MCTP2: variants seen among roughly 807,000 people sequenced by gnomAD.
MCTP2 encodes the protein multiple C2 and transmembrane domain containing 2.
Under a neutral mutation model 111.6 loss-of-function variants are expected in MCTP2, and 132 were observed. That is an observed-to-expected ratio of 1.18 (90% CI 1.03 to 1.37). The LOEUF (loss-of-function observed/expected upper bound fraction) is 1.37. Ranked by LOEUF, MCTP2 falls within the 40% of genes most tolerant of loss-of-function variation. The pLI, the probability that MCTP2 is intolerant of heterozygous loss-of-function variation, is 0.00. For synonymous variants in MCTP2, 395 were observed against 387.7 expected, an observed-to-expected ratio of 1.02 and a Z score of -0.22; for missense variants, 1,183 against 1,067.9, an observed-to-expected ratio of 1.11 and a Z score of -1.50.
chr15:94,298,182 G>GT lies in MCTP2; in HGVS notation c.-65-12dup, dbSNP rs1192859361. 28 of 919,816 alleles carry GT rather than the reference G, an allele frequency of 3.0e-5. No individual in the cohort carries two copies. Among genetic ancestry groups the GT allele is most frequent in the Middle Eastern group, 3.1e-4 (1 of 3,214 alleles). The allele number at this position is 919,816 out of a possible 1,614,324, so 57.0% of individuals were successfully genotyped here. A position where few individuals can be genotyped will look rare whatever the true frequency, so the allele number is the denominator to read the frequency against. ...TTTTTTTGTTTGTTTGTTTTTTGTT[G>GT]TTTTTTTCTGTTTTATAGGAGTCAT... On this transcript the variant is annotated intron_variant, in intron 1 of 22. Transcript: ENST00000357742.
At chr15:94,260,145 C>A (rs1267635707) in intron 1 of MCTP2, among the ~76,000 whole-genome samples, 2 of 152,200 alleles carry the variant, frequency 1.3e-5, no homozygotes, top group South Asian at 2.1e-4. Flanking sequence ...ACCCAAGGAA[C>A]CTTGAGTGCC....
At chr15:94,297,974 A>G in intron 1 of MCTP2, among the ~76,000 whole-genome samples, 1 of 151,596 alleles carries the variant, frequency 6.6e-6, no homozygotes, top group East Asian at 1.9e-4. Flanking sequence ...CTTCGTTTTA[A>G]TGTTTCTACA....
chr15:94,412,003 T>C (rs373958919), intron 17 of MCTP2, among the ~76,000 whole-genome samples: 2 of 152,186 alleles, frequency 1.3e-5, no homozygotes, highest in African/African-American at 2.4e-5. Flanking sequence ...AGAAATATAC[T>C]TGTGGGCCCC....
chr15:94,472,474 A>T (rs1323066470), intron 21 of MCTP2, among the ~76,000 whole-genome samples: 2 of 152,138 alleles, frequency 1.3e-5, no homozygotes, highest in African/African-American at 4.8e-5. Context: ...TCTATATCCA[A>T]ATCACCTTGG....
intron 2 of MCTP2, among the ~76,000 whole-genome samples, chr15:94,308,666 A>C (rs2075995098): frequency 6.6e-6 from 1 of 152,222 alleles, no homozygotes; most frequent in Non-Finnish European, 1.5e-5. Flanking sequence ...GTGGACAAAT[A>C]TTACTAAATA....
chr15:94,246,386 G>A (rs2072009895), intron 1 of MCTP2, among the ~76,000 whole-genome samples: 1 of 152,100 alleles, frequency 6.6e-6, no homozygotes. Flanking sequence ...CTACCTTATA[G>A]AGTTATGAGG....
Position 94,280,130 on chromosome 15 carries a change from C to T in MCTP2, c.-65-18071C>T, listed in dbSNP as rs189782728. On this transcript the variant is annotated intron_variant, in intron 1 of 22. Coordinates refer to ENST00000357742, the MANE Select transcript of MCTP2 (RefSeq NM_001385001.1). Reference sequence around the variant, plus strand: ...AGAATGAGTTAGGGAGGAATCACTCCTCCTTGATTTTTTAAAAATAATTTC... The same window carrying T: ...AGAATGAGTTAGGGAGGAATCACTCTTCCTTGATTTTTTAAAAATAATTTC... Among the ~76,000 whole-genome samples the T allele has an allele frequency of 8.5e-5, 13 of 152,248 alleles. No individual in the cohort carries two copies. The East Asian group carries it at 2.3e-3, about 27-fold the overall frequency.
chr15:94,234,295 T>C (rs2070391678), intron 1 of MCTP2, among the ~76,000 whole-genome samples: 1 of 152,048 alleles, frequency 6.6e-6, no homozygotes, highest in Non-Finnish European at 1.5e-5. Context: ...CAAAATTAGG[T>C]GTGAAAGTGA....
chr15:94,272,578 G>T (rs2073963702), intron 1 of MCTP2, among the ~76,000 whole-genome samples: 2 of 151,996 alleles, frequency 1.3e-5, no homozygotes, highest in South Asian at 4.1e-4. Context: ...TATCAAGATT[G>T]TCAGTAATCT....
At position 94,243,093 on chromosome 15, in the gene MCTP2, G is replaced by GT. The variant is rs749838136; in HGVS notation, c.-66+11430dup. ...TATATGTGTATCTACACATATACGT[G>GT]TATATGTGTATCTACGGGTGTGTAT... On this transcript the variant is annotated intron_variant, in intron 1 of 22. Transcript: ENST00000357742. 1.4e-4 allele frequency among the ~76,000 whole-genome samples: 20 copies of GT among 140,424 alleles called. 6 individuals are homozygous for GT. Among genetic ancestry groups the GT allele is most frequent in the Admixed American group, 2.8e-4 (4 of 14,484 alleles). The allele number at this position is 140,424 out of a possible 152,430, so 92.1% of individuals were successfully genotyped here.
chr15:94,309,916 C>T (rs1198246837), intron 2 of MCTP2, among the ~76,000 whole-genome samples: 2 of 152,224 alleles, frequency 1.3e-5, no homozygotes, highest in Non-Finnish European at 2.9e-5. Context: ...AGACTAATCT[C>T]ATAATAGTGC....
intron 17 of MCTP2, among the ~76,000 whole-genome samples, chr15:94,417,563 G>T (rs373004913): frequency 1.3e-5 from 2 of 152,088 alleles, no homozygotes; most frequent in Non-Finnish European, 2.9e-5. Flanking sequence ...ATTCCTGAGC[G>T]CTGGTGATGT....
rs766926044 is a variant in MCTP2, at chr15:94,384,091, A to C, written c.1652A>C (p.Asn551Thr). Residue 551 changes from asparagine to threonine, a missense_variant, in exon 13 of 23, where the codon AAC becomes ACC. Transcript: ENST00000357742. ...DRLQTHTVYKNLNPEWNKVFT... is the reference protein window; with the variant it reads ...DRLQTHTVYKTLNPEWNKVFT... The stretch of plus-strand genomic sequence containing the variant: ...CTTCAGACGCATACCGTCTACAAAA[A>C]CCTCAACCCTGAATGGAACAAAGTT... 27 of 1,613,664 alleles carry C rather than the reference A, an allele frequency of 1.7e-5. No homozygotes were observed. In the South Asian group the frequency reaches 2.7e-4, roughly 16 times the overall value.
At chr15:94,243,541 G>A (rs62647214) in intron 1 of MCTP2, among the ~76,000 whole-genome samples, 20,683 of 68,506 alleles carry the variant, frequency 0.3, 4,461 homozygotes, top group African/African-American at 0.41. Flanking sequence ...ACGTATGCGT[G>A]CATACGTATG....
In MCTP2 at chr15:94,479,059, G is replaced by A. The variant is rs754513524; in HGVS notation, c.*25G>A. The A allele has an allele frequency of 6.2e-7, 1 of 1,611,132 alleles. No homozygotes were observed. The highest frequency in any genetic ancestry group is 8.5e-7 in the Non-Finnish European group (1 of 1,177,448). On this transcript the variant is annotated 3_prime_UTR_variant, in exon 23 of 23. Coordinates refer to ENST00000357742, the MANE Select transcript of MCTP2 (RefSeq NM_001385001.1). ...GGGCACACACCGACTTTGGACAGCA[G>A]CACCCAATATTGTGTTTGGTTGAGT...
At chr15:94,402,340 A>T in intron 17 of MCTP2, 1 of 1,443,432 alleles carries the variant, frequency 6.9e-7, no homozygotes. Flanking sequence ...GAAAAATGGC[A>T]TCTGAAAAAT....
intron 14 of MCTP2, among the ~76,000 whole-genome samples, chr15:94,397,736 G>C (rs1035278643): frequency 7.9e-5 from 12 of 152,136 alleles, no homozygotes; most frequent in Non-Finnish European, 1.2e-4. Context: ...TTCTACCACT[G>C]TTTATAAGAA....
intron 20 of MCTP2, among the ~76,000 whole-genome samples, chr15:94,464,814 T>C (rs2073127574): frequency 6.6e-6 from 1 of 152,096 alleles, no homozygotes; most frequent in Admixed American, 6.5e-5. Flanking sequence ...ATGGAGATTT[T>C]CTAGTTATCT....
intron 1 of MCTP2, among the ~76,000 whole-genome samples, chr15:94,243,978 CACAT>C (rs962079508): frequency 6.2e-5 from 9 of 145,794 alleles, no homozygotes; most frequent in Admixed American, 1.4e-4. Flanking sequence ...CATATGTATA[CACAT>C]ACATATGTGT....
Sources: gnomAD v4.1 joint callset for allele counts (sites outside exome capture counted in the v4.1 genomes callset) on GRCh38, gnomAD v4.1.1 for gene constraint, MANE v1.5 for transcripts, NCBI Gene and HGNC (gene_info 2026-07-23, HGNC 2026-07-21) for gene names.